PTPRD: variants seen among roughly 807,000 people sequenced by gnomAD.
PTPRD encodes protein tyrosine phosphatase receptor type D.
A neutral mutation model predicts 214.5 loss-of-function variants in PTPRD; 34 were observed. The observed-to-expected ratio is 0.16, with a 90% CI of 0.12 to 0.21. The LOEUF is 0.21. Ranked by LOEUF, PTPRD falls within the 10% of genes least tolerant of loss-of-function variation. The pLI, the probability that PTPRD is intolerant of heterozygous loss-of-function variation, is 1.00. For synonymous variants in PTPRD, 1,128 were observed against 845.7 expected (o/e 1.33, Z -5.79); for missense variants, 2,545 against 2,398.7 (o/e 1.06, Z -1.27).
Position 8,507,394 on chromosome 9 carries a change from A to G in PTPRD, c.1584T>C (p.Ser528=). The part of the protein sequence containing the change: ...QPLNFKAEPE[S]ETSILLSWTP... ...TCCAAGAGAGCAAAATACTTGTTTC[A>G]GACTCAGGTTCTGCTTTGAAGTTTA... The change falls in exon 22 of 46, where the codon TCT becomes TCC. Residue 528 remains serine (S), a synonymous_variant. Coordinates refer to ENST00000381196, the MANE Select transcript of PTPRD (RefSeq NM_002839.4). 1 of 1,614,018 alleles carries G rather than the reference A, an allele frequency of 6.2e-7. No homozygotes were observed. The highest frequency in any genetic ancestry group is 1.1e-5 in the South Asian group (1 of 91,084).
At position 10,479,053 on chromosome 9, in the gene PTPRD, A is replaced by G. The variant is rs143887687; in HGVS notation, c.-600+133345T>C. Reference sequence around the variant, plus strand: ...ATTACACAATTTTCACAGAAGTTACAGTGTAATTAAGTCAGAAGCAAAGTT... The same window carrying G: ...ATTACACAATTTTCACAGAAGTTACGGTGTAATTAAGTCAGAAGCAAAGTT... On this transcript the variant is annotated intron_variant, in intron 2 of 45. Transcript: ENST00000381196. Among the ~76,000 whole-genome samples the G allele has an allele frequency of 1.5e-3, 230 of 152,298 alleles. 1 individual carries two copies. Among genetic ancestry groups the G allele is most frequent in the African/African-American group, 4.9e-3 (203 of 41,578 alleles).
chr9:8,720,669 A>G (rs538274333), intron 12 of PTPRD, among the ~76,000 whole-genome samples: 2 of 151,336 alleles, frequency 1.3e-5, no homozygotes, highest in Non-Finnish European at 1.5e-5. Flanking sequence ...CAGAAATCAA[A>G]AATTTCCAAA....
At chr9:9,769,766 C>A (rs977095413) in intron 5 of PTPRD, among the ~76,000 whole-genome samples, 9 of 152,086 alleles carry the variant, frequency 5.9e-5, no homozygotes, top group South Asian at 2.1e-4. Flanking sequence ...CCTAGCCCCC[C>A]ACCCACCAAC....
At chr9:8,540,079 T>G (rs2078015532) in intron 14 of PTPRD, among the ~76,000 whole-genome samples, 1 of 152,170 alleles carries the variant, frequency 6.6e-6, no homozygotes, top group Non-Finnish European at 1.5e-5. Flanking sequence ...ATTAACTCTC[T>G]AACAGTTCAG....
At chr9:10,144,552 A>C (rs2099009402) in intron 3 of PTPRD, among the ~76,000 whole-genome samples, 1 of 152,100 alleles carries the variant, frequency 6.6e-6, no homozygotes, top group Non-Finnish European at 1.5e-5. Context: ...TCTATCCAGC[A>C]ACACTCTGCT....
At chr9:9,511,267 T>C (rs1165377294) in intron 8 of PTPRD, among the ~76,000 whole-genome samples, 2 of 151,792 alleles carry the variant, frequency 1.3e-5, no homozygotes, top group African/African-American at 4.8e-5. Flanking sequence ...GTACACGTAC[T>C]GATCACTAAA....
At chr9:10,412,523 A>T (rs1012763926) in intron 2 of PTPRD, among the ~76,000 whole-genome samples, 10 of 151,658 alleles carry the variant, frequency 6.6e-5, no homozygotes, top group African/African-American at 2.2e-4. Flanking sequence ...TACTGAAACT[A>T]TTCTTTAAAA....
chr9:10,403,545 G>T (rs911693558), intron 2 of PTPRD, among the ~76,000 whole-genome samples: 2 of 151,230 alleles, frequency 1.3e-5, no homozygotes, highest in African/African-American at 2.4e-5. Context: ...AGAGCGAAAA[G>T]GTACACTTTG....
intron 9 of PTPRD, among the ~76,000 whole-genome samples, chr9:9,365,954 T>C (rs1462266718): frequency 2.0e-5 from 3 of 151,548 alleles, no homozygotes; most frequent in South Asian, 2.1e-4. Context: ...TTGATGTAAA[T>C]ATAGCATGGA....
At chr9:9,899,522 A>C (rs933156519) in intron 5 of PTPRD, among the ~76,000 whole-genome samples, 1 of 152,138 alleles carries the variant, frequency 6.6e-6, no homozygotes, top group Non-Finnish European at 1.5e-5. Context: ...CTGCTGTTAG[A>C]ATGGTTATTA....
At chr9:10,386,750 T>C (rs532737186) in intron 2 of PTPRD, among the ~76,000 whole-genome samples, 1 of 151,866 alleles carries the variant, frequency 6.6e-6, no homozygotes, top group African/African-American at 2.4e-5. Context: ...AATTCTACAA[T>C]TCTGTGTTAG....
intron 12 of PTPRD, among the ~76,000 whole-genome samples, chr9:8,648,399 G>C (rs556450495): frequency 2.0e-5 from 3 of 152,260 alleles, no homozygotes; most frequent in South Asian, 2.1e-4. Flanking sequence ...ATAACCACTG[G>C]TTTAGTGACA....
At chr9:8,574,991 A>G (rs1242572329) in intron 14 of PTPRD, among the ~76,000 whole-genome samples, 1 of 152,164 alleles carries the variant, frequency 6.6e-6, no homozygotes, top group Non-Finnish European at 1.5e-5. Flanking sequence ...AACCTTGGCA[A>G]TAAAGGCACA....
rs116789509 is a variant in PTPRD at position 8,586,754 on chromosome 9, A to T, written c.352+46563T>A. ...TGCCAACGGCATTGCTAGACCAAGTATGTTCTTAAATATTTTATATTAATA... is the reference window on the plus strand; with the variant it reads ...TGCCAACGGCATTGCTAGACCAAGTTTGTTCTTAAATATTTTATATTAATA... On this transcript the variant is annotated intron_variant, in intron 14 of 45. Transcript: ENST00000381196. Among the ~76,000 whole-genome samples the T allele has an allele frequency of 4.6e-3, 703 of 152,328 alleles. 6 individuals carry two copies. Among genetic ancestry groups the T allele is most frequent in the African/African-American group, 0.015 (603 of 41,574 alleles).
chr9:10,330,287 C>T (rs1263297048), intron 3 of PTPRD, among the ~76,000 whole-genome samples: 2 of 151,718 alleles, frequency 1.3e-5, no homozygotes, highest in African/African-American at 4.8e-5. Context: ...ACCATGTCTG[C>T]TGTTAGAGGA....
intron 7 of PTPRD, among the ~76,000 whole-genome samples, chr9:9,718,769 C>G (rs900976165): frequency 6.6e-6 from 1 of 152,202 alleles, no homozygotes; most frequent in Non-Finnish European, 1.5e-5. Context: ...TCTTGGCCCC[C>G]TCTGGAAACT....
At chr9:10,279,671 G>C (rs2094971110) in intron 3 of PTPRD, among the ~76,000 whole-genome samples, 1 of 148,882 alleles carries the variant, frequency 6.7e-6, no homozygotes, top group Admixed American at 6.7e-5. Context: ...CTATATGCTA[G>C]ACACTATGCT....
intron 12 of PTPRD, among the ~76,000 whole-genome samples, chr9:8,663,065 T>C (rs2097096418): frequency 6.6e-6 from 1 of 152,156 alleles, no homozygotes; most frequent in African/African-American, 2.4e-5. Context: ...AAACCTGGTA[T>C]AAAAAGTCAA....
intron 14 of PTPRD, among the ~76,000 whole-genome samples, chr9:8,589,430 T>C (rs1047244573): frequency 6.6e-6 from 1 of 152,230 alleles, no homozygotes; most frequent in Non-Finnish European, 1.5e-5. Flanking sequence ...TTCTGACTTG[T>C]CGCTTGATTC....
Sources: gnomAD v4.1 joint callset for allele counts (sites outside exome capture counted in the v4.1 genomes callset) on GRCh38, gnomAD v4.1.1 for gene constraint, MANE v1.5 for transcripts, NCBI Gene and HGNC (gene_info 2026-07-23, HGNC 2026-07-21) for gene names.